PTPN5: variants seen among roughly 807,000 people sequenced by gnomAD.
PTPN5 encodes the protein tyrosine-protein phosphatase non-receptor type 5.
PTPN5 carries 29 observed loss-of-function variants against 73.9 expected under a neutral mutation model. The ratio of observed to expected loss-of-function variants is 0.39; its 90% confidence interval spans 0.29 to 0.54. The LOEUF is 0.54. PTPN5 is among the 20% of genes least tolerant of loss of function. The pLI, the probability that PTPN5 is intolerant of heterozygous loss-of-function variation, is 0.65. For missense variants in PTPN5, 652 were observed against 751.4 expected (o/e 0.87, Z 1.55); for synonymous variants, 267 against 304.7 (o/e 0.88, Z 1.29).
At chr11:18,791,238 C>G (rs1851909046) in intron 1 of PTPN5, among the ~76,000 whole-genome samples, 1 of 152,222 alleles carries the variant, frequency 6.6e-6, no homozygotes, top group Non-Finnish European at 1.5e-5. Flanking sequence ...GGCTCAGACC[C>G]CAAACCACTA....
At chr11:18,767,075 G>A (rs1200359952) in intron 2 of PTPN5, among the ~76,000 whole-genome samples, 1 of 152,150 alleles carries the variant, frequency 6.6e-6, no homozygotes, top group East Asian at 1.9e-4. Context: ...TTACGCCAGT[G>A]GGATGTGATT....
intron 1 of PTPN5, among the ~76,000 whole-genome samples, chr11:18,773,911 C>T (rs1851027097): frequency 1.3e-5 from 2 of 152,170 alleles, no homozygotes; most frequent in African/African-American, 4.8e-5. Flanking sequence ...ACTGCCTCCT[C>T]ATCACCCCCG....
rs1848782348 is a variant in PTPN5, at chr11:18,729,602, G to GGC, written c.1491-38_1491-37dup. ...AGGGGACCGGTGGGGTGAGGGGCAG[G>GGC]GCAGCCCAGCGGGTGGGGGGCTGCC... is the stretch of plus-strand genomic sequence containing the variant. On this transcript the variant is annotated intron_variant, in intron 13 of 14. Coordinates refer to ENST00000358540, the MANE Select transcript of PTPN5 (RefSeq NM_006906.2). The surrounding 1 kb of genome is among the most constrained non-coding windows in gnomAD (Gnocchi z 5.2). 3.2e-6 allele frequency: 5 copies of GGC among 1,569,898 alleles called. No individual in the cohort carries two copies. The highest frequency in any genetic ancestry group is 4.3e-6 in the Non-Finnish European group (5 of 1,155,676).
At chr11:18,741,412 A>ATAGAAAGAG (rs1398584548) in intron 7 of PTPN5, among the ~76,000 whole-genome samples, 1 of 152,164 alleles carries the variant, frequency 6.6e-6, no homozygotes, top group East Asian at 1.9e-4. Flanking sequence ...GCTTCATTAC[A>ATAGAAAGAG]TAGAAAGAGA....
At chr11:18,730,010 G>T (rs1848805097) in intron 12 of PTPN5, 192 bp from the exon 13 acceptor site, 1 of 697,022 alleles carries the variant, frequency 1.4e-6, no homozygotes, top group East Asian at 2.8e-5. Flanking sequence ...CTTGGTTTTG[G>T]GGGTTGGTCA....
At chr11:18,754,829 C>T (rs895765191) in intron 3 of PTPN5, among the ~76,000 whole-genome samples, 6 of 152,180 alleles carry the variant, frequency 3.9e-5, no homozygotes, top group Non-Finnish European at 5.9e-5. Context: ...TCGTTTTGTA[C>T]GTAGGCATAT....
intron 5 of PTPN5, 52 bp downstream of exon 5, chr11:18,743,270 A>G (rs1849455753): frequency 1.0e-5 from 16 of 1,541,730 alleles, no homozygotes; most frequent in South Asian, 6.7e-5. Flanking sequence ...GGGTGGGACT[A>G]GAGGCCCCCA....
At position 18,731,719 on chromosome 11, in the gene PTPN5, T is replaced by C. The variant is rs116867486; in HGVS notation, c.1329+873A>G. Among the ~76,000 whole-genome samples, 1,261 of 152,260 alleles carry C rather than the reference T, an allele frequency of 8.3e-3. 11 individuals are homozygous for C. Among genetic ancestry groups the C allele is most frequent in the Middle Eastern group, 0.027 (8 of 294 alleles). Reference sequence around the variant, plus strand: ...GCACTGCTCTTGGGGGCTGAGATGCTCTCGACACCCTACCTGGCCCCTATT... The same window carrying C: ...GCACTGCTCTTGGGGGCTGAGATGCCCTCGACACCCTACCTGGCCCCTATT... On this transcript the variant is annotated intron_variant, in intron 12 of 14. Transcript: ENST00000358540.
At chr11:18,747,198 T>G (rs1849682445) in intron 3 of PTPN5, among the ~76,000 whole-genome samples, 2 of 151,778 alleles carry the variant, frequency 1.3e-5, no homozygotes, top group Non-Finnish European at 2.9e-5. Flanking sequence ...TCACCCAGGC[T>G]GGAGTGCAGT....
rs1053921740 is a variant in PTPN5 at position 18,742,365 on chromosome 11, G to A, written c.622C>T (p.Leu208Phe). The A allele has an allele frequency of 3.1e-6, 5 of 1,614,074 alleles. No homozygotes were observed. The African/African-American group carries it at 6.7e-5, about 22-fold the overall frequency. ...ACAGGAGTCTCGGGCACCGGGTCGA[G>A]GTCCAGGAAGTCATCCTCGATCTTC... Reference protein sequence around the residue: ...EEKIEDDFLDLDPVPETPVFD... With the variant: ...EEKIEDDFLDFDPVPETPVFD... The change falls in exon 7 of 15, where the codon CTC (leucine) becomes TTC (phenylalanine). Residue 208 changes from leucine (L) to phenylalanine (F), a missense_variant. By Grantham distance (22) the Leu-to-Phe change is conservative (BLOSUM62 0). This residue lies in a region of PTPN5 where 529 missense variants were observed against 573.9 expected (regional missense o/e 0.92). Coordinates refer to ENST00000358540, the MANE Select transcript of PTPN5 (RefSeq NM_006906.2). The surrounding 1 kb of genome is among the most constrained non-coding windows in gnomAD (Gnocchi z 4.1).
intron 3 of PTPN5, among the ~76,000 whole-genome samples, chr11:18,757,607 GC>G (rs5790049): frequency 0.2 from 29,857 of 152,084 alleles, 3,387 homozygotes; most frequent in Non-Finnish European, 0.25. Flanking sequence ...CCTAGAACTG[GC>G]TAAGGTGACT....
At position 18,742,734 on chromosome 11, in the gene PTPN5, C is replaced by T. The variant is rs953419704; in HGVS notation, c.484-231G>A. Among the ~76,000 whole-genome samples the T allele has an allele frequency of 6.6e-6, 1 of 152,198 alleles. No individual in the cohort carries two copies. The highest frequency in any genetic ancestry group is 1.5e-5 in the Non-Finnish European group (1 of 68,030). On this transcript the variant is annotated intron_variant, in intron 6 of 14. Coordinates refer to ENST00000358540, the MANE Select transcript of PTPN5 (RefSeq NM_006906.2). This position sits in a 1 kb window ranked among gnomAD's most constrained non-coding sequence, Gnocchi z 4.1. ...CTCTCTGTTTCTTGTGGCTTCAGGCCTTCTCAGTGGGGCTTGGGAGTTCCT... is the reference window on the plus strand; with the variant it reads ...CTCTCTGTTTCTTGTGGCTTCAGGCTTTCTCAGTGGGGCTTGGGAGTTCCT...
chr11:18,746,173 A>ATG, intron 3 of PTPN5, among the ~76,000 whole-genome samples: 1 of 103,330 alleles, frequency 9.7e-6, no homozygotes, highest in Non-Finnish European at 2.3e-5. Flanking sequence ...ATATATATAT[A>ATG]TATATATATA....
intron 3 of PTPN5, among the ~76,000 whole-genome samples, chr11:18,756,305 T>TC (rs1850133011): frequency 6.7e-6 from 1 of 149,844 alleles, no homozygotes; most frequent in African/African-American, 2.5e-5. Context: ...TTTTTTTTTT[T>TC]TTTTTTTTTG....
intron 1 of PTPN5, among the ~76,000 whole-genome samples, chr11:18,783,738 C>T (rs1265474887): frequency 1.3e-5 from 2 of 152,208 alleles, no homozygotes; most frequent in Non-Finnish European, 2.9e-5. Flanking sequence ...GGCACCTCCA[C>T]TAGACATTAA....
At chr11:18,773,147 T>A (rs1167256947) in intron 1 of PTPN5, among the ~76,000 whole-genome samples, 1 of 148,878 alleles carries the variant, frequency 6.7e-6, no homozygotes, top group Non-Finnish European at 1.5e-5. Flanking sequence ...TCACTTGGAA[T>A]TTTTTCCTTT....
In PTPN5 at chr11:18,729,740, G is replaced by C. The variant is rs1848790766; in HGVS notation, c.1408C>G (p.Pro470Ala). 6.2e-7 allele frequency: 1 copy of C among 1,606,424 alleles called. No homozygotes were observed. Among genetic ancestry groups the C allele is most frequent in the Non-Finnish European group, 8.5e-7 (1 of 1,174,642 alleles). Residue 470 changes from proline (P) to alanine (A), a missense_variant, in exon 13 of 15, where the codon CCA becomes GCA. This residue lies in a region of PTPN5 where 102 missense variants were observed against 160.5 expected (regional missense o/e 0.64). Transcript: ENST00000358540. The surrounding 1 kb of genome is among the most constrained non-coding windows in gnomAD (Gnocchi z 5.2). Reference protein sequence around the residue: ...PDQKTPDRAPPLLHLVREVEE... With the variant: ...PDQKTPDRAPALLHLVREVEE... The stretch of plus-strand genomic sequence containing the variant: ...ACCTCCCGCACCAGGTGCAGGAGTG[G>C]GGGGGCCCGGTCTGGGGTCTTCTGG...
At chr11:18,777,206 T>C (rs1851199971) in intron 1 of PTPN5, among the ~76,000 whole-genome samples, 1 of 152,054 alleles carries the variant, frequency 6.6e-6, no homozygotes, top group Admixed American at 6.6e-5. Context: ...AGTAAACACA[T>C]AGGCTTTGGC....
intron 1 of PTPN5, among the ~76,000 whole-genome samples, chr11:18,780,912 G>C (rs1289615332): frequency 6.6e-6 from 1 of 152,144 alleles, no homozygotes; most frequent in Non-Finnish European, 1.5e-5. Flanking sequence ...AAAGAAGAAA[G>C]ACATGAGTGG....
Sources: gnomAD v4.1 joint callset for allele counts (sites outside exome capture counted in the v4.1 genomes callset) on GRCh38, gnomAD v4.1.1 for gene constraint, gnomAD v4.1.1 regional missense constraint, Gnocchi (gnomAD v3.1) non-coding constraint, MANE v1.5 for transcripts, NCBI Gene and HGNC (gene_info 2026-07-23, HGNC 2026-07-21) for gene names.